DIXDC1: variants seen among roughly 807,000 people sequenced by gnomAD.
DIXDC1 encodes DIX domain containing 1, also known as dixin.
DIXDC1 carries 64 observed loss-of-function variants against 103.1 expected under a neutral mutation model. That is an observed-to-expected ratio of 0.62 (90% CI 0.51 to 0.76). The LOEUF is 0.76. Ranked by LOEUF, DIXDC1 falls within the 30% of genes least tolerant of loss-of-function variation. DIXDC1 has a pLI of 0.00. For synonymous variants in DIXDC1, 266 were observed against 298.5 expected (o/e 0.89, Z 1.12); for missense variants, 759 against 834.2 (o/e 0.91, Z 1.11).
rs1420422361 is a variant in DIXDC1 at position 112,017,402 on chromosome 11, T to C, written c.1863-375T>C. ...ATAAAGATCATGATACTTGATTTGA[T>C]TCTACCATCCTAGAGAATTGGGATA... is the stretch of plus-strand genomic sequence containing the variant. On this transcript the variant is annotated intron_variant, in intron 18 of 19. Coordinates refer to ENST00000440460, the MANE Select transcript of DIXDC1 (RefSeq NM_001037954.4). This position sits in a 1 kb window ranked among gnomAD's most constrained non-coding sequence, Gnocchi z 4.0. Among the ~76,000 whole-genome samples, 1 of 152,234 alleles carries C rather than the reference T, an allele frequency of 6.6e-6. No individual in the cohort carries two copies. Among genetic ancestry groups the C allele is most frequent in the Admixed American group, 6.5e-5 (1 of 15,278 alleles).
chr11:112,014,537 G>A (rs1555177524), intron 17 of DIXDC1, among the ~76,000 whole-genome samples: 1 of 151,884 alleles, frequency 6.6e-6, no homozygotes. Context: ...TCCAACCATG[G>A]GCCCTTCCTG....
At chr11:111,979,205 C>T (rs587703268) in intron 5 of DIXDC1, among the ~76,000 whole-genome samples, 22 of 152,292 alleles carry the variant, frequency 1.4e-4, no homozygotes, top group South Asian at 4.1e-4. Flanking sequence ...CCCTAAAATA[C>T]GGACAGTGAG....
chr11:111,951,649 G>A (rs1966808349), intron 1 of DIXDC1, among the ~76,000 whole-genome samples: 1 of 152,098 alleles, frequency 6.6e-6, no homozygotes, highest in Non-Finnish European at 1.5e-5. Flanking sequence ...GGACCCAATG[G>A]GAGGTAATTG....
Position 111,965,597 on chromosome 11 carries a change from C to T in DIXDC1, c.190+919C>T, listed in dbSNP as rs138824362. Among the ~76,000 whole-genome samples, 314 of 152,250 alleles carry T rather than the reference C, an allele frequency of 2.1e-3. 5 individuals are homozygous for T. In the South Asian group the frequency reaches 0.028, roughly 13 times the overall value. ...TCATCTGTAATGATGGTAATAATGG[C>T]AACGGTAATAGCAACTGCTAGGATT... On this transcript the variant is annotated intron_variant, in intron 2 of 19. Coordinates refer to ENST00000440460, the MANE Select transcript of DIXDC1 (RefSeq NM_001037954.4).
upstream of DIXDC1, among the ~76,000 whole-genome samples, chr11:111,934,527 C>G (rs1400408755): frequency 6.6e-6 from 1 of 152,192 alleles, no homozygotes; most frequent in Non-Finnish European, 1.5e-5. Context: ...TTCCCACATA[C>G]AAACACTATG....
intron 16 of DIXDC1, 128 bp downstream of exon 16, chr11:111,995,692 C>T (rs1268771885): frequency 4.0e-6 from 5 of 1,239,990 alleles, no homozygotes; most frequent in Non-Finnish European, 5.5e-6. Flanking sequence ...TTGTTTTTCT[C>T]TATTGTTTTT....
rs1279731566 is a variant in DIXDC1, at chr11:111,974,073, G to T, written c.367G>T (p.Ala123Ser). The T allele has an allele frequency of 1.5e-5, 24 of 1,613,844 alleles. No individual in the cohort carries two copies. Among genetic ancestry groups the T allele is most frequent in the Non-Finnish European group, 2.0e-5 (24 of 1,179,898 alleles). The change falls in exon 4 of 20, where the codon GCA (alanine) becomes TCA (serine). Residue 123 changes from alanine to serine, a missense_variant. This residue lies in a region of DIXDC1 where 657 missense variants were observed against 727.5 expected (regional missense o/e 0.90). Coordinates refer to ENST00000440460, the MANE Select transcript of DIXDC1 (RefSeq NM_001037954.4). ...TATCATGAGGCTGGTCCTTGCCTTGGCAGCTCATTTCAAACCTGGCTCCAG... is the reference window on the plus strand; with the variant it reads ...TATCATGAGGCTGGTCCTTGCCTTGTCAGCTCATTTCAAACCTGGCTCCAG... ...KSIMRLVLALAAHFKPGSSRT... is the reference protein window; with the variant it reads ...KSIMRLVLALSAHFKPGSSRT...
chr11:112,011,989 A>G (rs1555177241), intron 17 of DIXDC1, among the ~76,000 whole-genome samples: 1 of 152,204 alleles, frequency 6.6e-6, no homozygotes, highest in African/African-American at 2.4e-5. Context: ...CCTCATGAAA[A>G]TCTTAGGTAT....
chr11:111,965,717 G>A (rs1859705834), intron 2 of DIXDC1, among the ~76,000 whole-genome samples: 1 of 152,098 alleles, frequency 6.6e-6, no homozygotes, highest in Non-Finnish European at 1.5e-5. Flanking sequence ...TAAAAGAGAA[G>A]ATTTATAAAA....
rs1220017382 is a variant in DIXDC1 at position 111,976,790 on chromosome 11, CG to C, written c.656+1808del. On this transcript the variant is annotated intron_variant, in intron 5 of 19. Coordinates refer to ENST00000440460, the MANE Select transcript of DIXDC1 (RefSeq NM_001037954.4). This position sits in a 1 kb window ranked among gnomAD's most constrained non-coding sequence, Gnocchi z 4.3. ...CCTGCCAGCCTGTTGCTCCGAAAAC[CG>C]CATACCAGCCTCACATTGTAGCCAA... 6.6e-6 allele frequency: 1 copy of C among 152,620 alleles called. No individual in the cohort carries two copies. The highest frequency in any genetic ancestry group is 1.9e-4 in the East Asian group (1 of 5,178). The allele number at this position is 152,620 out of a possible 1,614,324, so 9.5% of individuals were successfully genotyped here.
chr11:111,946,356 C>T (rs1171002994), intron 1 of DIXDC1, among the ~76,000 whole-genome samples: 7 of 152,164 alleles, frequency 4.6e-5, no homozygotes, highest in African/African-American at 1.4e-4. Flanking sequence ...GATCCGCCCG[C>T]CTTGGCCTCC....
At chr11:111,950,376 T>A (rs1439582604) in intron 1 of DIXDC1, among the ~76,000 whole-genome samples, 7 of 139,738 alleles carry the variant, frequency 5.0e-5, no homozygotes, top group African/African-American at 1.8e-4. Context: ...TATTTCTTAT[T>A]TTATTTTTTT....
Position 111,995,056 on chromosome 11 carries a change from G to GT in DIXDC1, c.1479dup (p.Leu494SerfsTer45). 6.2e-7 allele frequency: 1 copy of GT among 1,613,808 alleles called. No individual in the cohort carries two copies. The highest frequency in any genetic ancestry group is 8.5e-7 in the Non-Finnish European group (1 of 1,179,888). The stretch of plus-strand genomic sequence containing the variant: ...AACAGTCACAACTCTCAAAGCAATG[G>GT]TTTTCTCCTTCCAACGGCAGGAAAA... On this transcript the variant is annotated frameshift_variant, in exon 15 of 20. Coordinates refer to ENST00000440460, the MANE Select transcript of DIXDC1 (RefSeq NM_001037954.4). LOFTEE classifies it high-confidence loss of function.
chr11:111,944,326 C>T (rs1475981473), intron 1 of DIXDC1, among the ~76,000 whole-genome samples: 1 of 152,212 alleles, frequency 6.6e-6, no homozygotes, highest in African/African-American at 2.4e-5. Flanking sequence ...ATAGAGTCGC[C>T]TCCTTGGCTG....
At position 112,020,140 on chromosome 11, in the gene DIXDC1, A is replaced by C. The variant is rs1475928086; in HGVS notation, c.*1104A>C. 1 of 152,452 alleles carries C rather than the reference A, an allele frequency of 6.6e-6. No homozygotes were observed. The highest frequency in any genetic ancestry group is 1.5e-5 in the Non-Finnish European group (1 of 68,042). 9.4% of individuals were successfully genotyped at this position (152,452 alleles called of 1,614,324 possible). A position where few individuals can be genotyped will look rare whatever the true frequency, so the allele number is the denominator to read the frequency against. On this transcript the variant is annotated 3_prime_UTR_variant, in exon 20 of 20. Transcript: ENST00000440460. The stretch of plus-strand genomic sequence containing the variant: ...ATCATTCTGGGTAAAAAAAACCTAG[A>C]ATCATTTCTGATGTGCAACATTGTC...
intron 12 of DIXDC1, among the ~76,000 whole-genome samples, chr11:111,993,208 G>A (rs587697500): frequency 6.6e-6 from 1 of 152,240 alleles, no homozygotes; most frequent in East Asian, 1.9e-4. Flanking sequence ...AAGGAGTACA[G>A]GACTAGGGGT....
intron 8 of DIXDC1, among the ~76,000 whole-genome samples, chr11:111,986,403 GC>G (rs67696458): frequency 1 from 140,789 of 140,796 alleles, 70,391 homozygotes; most frequent in Middle Eastern, 1. Context: ...TTGCTCTGTT[GC>G]CCCAGGCTGG....
At chr11:111,964,858 G>C (rs1382173703) in intron 2 of DIXDC1, among the ~76,000 whole-genome samples, 180 bp downstream of exon 2, 8 of 152,176 alleles carry the variant, frequency 5.3e-5, no homozygotes, top group Admixed American at 1.3e-4. Flanking sequence ...TAAACATTGT[G>C]TCCCGGGCAC....
chr11:112,000,509 CAATGTGGTGA>C (rs1437309399), intron 17 of DIXDC1, among the ~76,000 whole-genome samples: 5 of 152,102 alleles, frequency 3.3e-5, no homozygotes, highest in African/African-American at 1.2e-4. Context: ...CCACCCTGGC[CAATGTGGTGA>C]AACCCCGTCT....
Sources: gnomAD v4.1 joint callset for allele counts (sites outside exome capture counted in the v4.1 genomes callset) on GRCh38, gnomAD v4.1.1 for gene constraint, gnomAD v4.1.1 regional missense constraint, Gnocchi (gnomAD v3.1) non-coding constraint, MANE v1.5 for transcripts, NCBI Gene and HGNC (gene_info 2026-07-23, HGNC 2026-07-21) for gene names.